NPAS3: variants seen among roughly 807,000 people sequenced by gnomAD.
NPAS3 encodes the protein neuronal PAS domain-containing protein 3.
Under a neutral mutation model 73.1 loss-of-function variants are expected in NPAS3, and 14 were observed. The observed-to-expected ratio is 0.19, with a 90% CI of 0.13 to 0.30. NPAS3 has a LOEUF of 0.30. Ranked by LOEUF, NPAS3 falls within the 10% of genes least tolerant of loss-of-function variation. NPAS3 has a pLI of 1.00. For synonymous variants in NPAS3, 620 were observed against 541.5 expected (o/e 1.14, Z -2.01); for missense variants, 1,096 against 1,250.0 (o/e 0.88, Z 1.86).
intron 3 of NPAS3, among the ~76,000 whole-genome samples, chr14:33,285,952 T>A (rs1387720064): frequency 6.6e-6 from 1 of 152,146 alleles, no homozygotes; most frequent in Non-Finnish European, 1.5e-5. Flanking sequence ...ACCTTCCCCA[T>A]CCCAACCTAT....
chr14:33,409,460 T>C (rs2047819912), intron 4 of NPAS3, among the ~76,000 whole-genome samples: 1 of 152,216 alleles, frequency 6.6e-6, no homozygotes, highest in Admixed American at 6.5e-5. Flanking sequence ...AGAATTTTAA[T>C]TGTCATTACT....
At chr14:33,151,212 A>T (rs1185502829) in intron 2 of NPAS3, among the ~76,000 whole-genome samples, 1 of 152,222 alleles carries the variant, frequency 6.6e-6, no homozygotes, top group Non-Finnish European at 1.5e-5. Flanking sequence ...CAGTTTCTAC[A>T]TGATAGGCAT....
chr14:33,662,858 A>T (rs1292128744), intron 5 of NPAS3, among the ~76,000 whole-genome samples: 3 of 142,620 alleles, frequency 2.1e-5, no homozygotes, highest in Non-Finnish European at 1.5e-5. Context: ...GGCTGAGACA[A>T]TGGGGTTTTC....
chr14:33,326,058 CT>C (rs145133541), intron 3 of NPAS3, among the ~76,000 whole-genome samples: 5,378 of 152,024 alleles, frequency 0.035, 291 homozygotes, highest in East Asian at 0.15. Context: ...TTAGAATTTG[CT>C]TTTTCCCCCC....
chr14:33,016,090 G>C (rs915320790), intron 1 of NPAS3, among the ~76,000 whole-genome samples: 1 of 152,090 alleles, frequency 6.6e-6, no homozygotes, highest in Non-Finnish European at 1.5e-5. Context: ...AAAAATTGAT[G>C]CTTTGCCCTA....
chr14:33,250,502 T>C (rs767737388), intron 3 of NPAS3, among the ~76,000 whole-genome samples: 3 of 152,116 alleles, frequency 2.0e-5, no homozygotes, highest in Non-Finnish European at 4.4e-5. Context: ...ATAACATCAG[T>C]AAAGCTTACG....
chr14:33,568,319 C>T (rs1315952908), intron 5 of NPAS3, among the ~76,000 whole-genome samples: 3 of 152,210 alleles, frequency 2.0e-5, no homozygotes, highest in Admixed American at 6.5e-5. Flanking sequence ...TTCATGCAGG[C>T]GTTGGCAATA....
chr14:33,723,272 T>A (rs769567127), intron 6 of NPAS3, among the ~76,000 whole-genome samples: 7 of 152,188 alleles, frequency 4.6e-5, no homozygotes, highest in Non-Finnish European at 1.0e-4. Context: ...AGCATAAGAC[T>A]GCACTCATGC....
intron 5 of NPAS3, among the ~76,000 whole-genome samples, chr14:33,606,606 C>T (rs1313767548): frequency 6.6e-6 from 1 of 152,156 alleles, no homozygotes; most frequent in African/African-American, 2.4e-5. Flanking sequence ...CAAAGAGGAT[C>T]ATAGACCTAA....
intron 7 of NPAS3, among the ~76,000 whole-genome samples, chr14:33,762,433 A>C (rs934904270): frequency 3.3e-5 from 5 of 152,198 alleles, no homozygotes; most frequent in Admixed American, 2.6e-4. Context: ...TCTTTAAAAT[A>C]AAAAGGGGGA....
intron 2 of NPAS3, among the ~76,000 whole-genome samples, chr14:33,061,732 A>G (rs2041108575): frequency 6.6e-6 from 1 of 151,898 alleles, no homozygotes; most frequent in Non-Finnish European, 1.5e-5. Context: ...GTTCTACACT[A>G]ACTGACTTAT....
chr14:33,665,496 T>C (rs541149207), intron 5 of NPAS3, among the ~76,000 whole-genome samples: 30 of 152,186 alleles, frequency 2.0e-4, no homozygotes, highest in African/African-American at 7.0e-4. Flanking sequence ...ACCTTTTCCG[T>C]AAAAGGTGAC....
chr14:33,683,351 G>T (rs2059993795), intron 6 of NPAS3, among the ~76,000 whole-genome samples: 2 of 138,608 alleles, frequency 1.4e-5, no homozygotes, highest in South Asian at 4.7e-4. Flanking sequence ...AATAGTGATT[G>T]ATAGGGATGT....
intron 6 of NPAS3, among the ~76,000 whole-genome samples, chr14:33,689,103 G>C (rs563447292): frequency 6.6e-6 from 1 of 152,168 alleles, no homozygotes; most frequent in Non-Finnish European, 1.5e-5. Context: ...TACGTAGTAC[G>C]TAGGGCCTTA....
At chr14:33,577,030 C>T (rs2056463999) in intron 5 of NPAS3, among the ~76,000 whole-genome samples, 1 of 152,192 alleles carries the variant, frequency 6.6e-6, no homozygotes, top group African/African-American at 2.4e-5. Flanking sequence ...CTTCAACTTG[C>T]AAGGCCAAAG....
intron 4 of NPAS3, among the ~76,000 whole-genome samples, chr14:33,519,147 A>G (rs1461566468): frequency 2.6e-5 from 4 of 152,042 alleles, no homozygotes; most frequent in African/African-American, 9.7e-5. Flanking sequence ...GTTTCTAGTT[A>G]CTCAGCTCTC....
rs71432096 is a variant in NPAS3, at chr14:32,962,569, C to CTTTTTTTTTTTTTTTTTTTTTTTT, written c.50+23223_50+23224insTTTTTTTTTTTTTTTTTTTTTTTT. Among the ~76,000 whole-genome samples the CTTTTTTTTTTTTTTTTTTTTTTTT allele has an allele frequency of 2.9e-4, 32 of 110,648 alleles. 1 individual carries two copies. Among genetic ancestry groups the CTTTTTTTTTTTTTTTTTTTTTTTT allele is most frequent in the Non-Finnish European group, 3.9e-4 (22 of 55,812 alleles). The allele number at this position is 110,648 out of a possible 152,430, so 72.6% of individuals were successfully genotyped here. A position where few individuals can be genotyped will look rare whatever the true frequency, so the allele number is the denominator to read the frequency against. ...TCTTTCTTTCTTTCTTTTTTCTTTT[C>CTTTTTTTTTTTTTTTTTTTTTTTT]TTTTTTTTTTTTTTTTTTTTGAGAC... On this transcript the variant is annotated intron_variant, in intron 1 of 11. Transcript: ENST00000356141.
chr14:33,799,911 C>T, exon 12 of NPAS3: 4 of 1,614,192 alleles, frequency 2.5e-6, no homozygotes, highest in South Asian at 2.2e-5. Flanking sequence ...TTCGAGCACT[C>T]GGACTTTGAG....
intron 4 of NPAS3, among the ~76,000 whole-genome samples, chr14:33,487,285 C>A (rs1009527411): frequency 6.6e-6 from 1 of 152,144 alleles, no homozygotes; most frequent in Non-Finnish European, 1.5e-5. Flanking sequence ...AACCAAGTCC[C>A]AGACATAATA....
Sources: gnomAD v4.1 joint callset for allele counts (sites outside exome capture counted in the v4.1 genomes callset) on GRCh38, gnomAD v4.1.1 for gene constraint, MANE v1.5 for transcripts, NCBI Gene and HGNC (gene_info 2026-07-23, HGNC 2026-07-21) for gene names.